The following CLCN3 variants were observed in gnomAD, a reference collection of about 807,000 sequenced individuals.
CLCN3 encodes the protein H(+)/Cl(-) exchange transporter 3.
CLCN3 carries 16 observed loss-of-function variants against 83.4 expected under a neutral mutation model. That is an observed-to-expected ratio of 0.19 (90% CI 0.13 to 0.29). The LOEUF is 0.29. CLCN3 is among the 10% of genes least tolerant of loss of function. The probability of loss-of-function intolerance (pLI) is 1.00; values close to 1 mark genes in which losing one functional copy is unlikely to be tolerated. For synonymous variants in CLCN3, 322 were observed against 346.2 expected, an observed-to-expected ratio of 0.93 and a Z score of 0.78; for missense variants, 544 against 1,006.0, an observed-to-expected ratio of 0.54 and a Z score of 6.21.
At chr4:169,633,139 A>G (rs1486095721) in intron 1 of CLCN3, among the ~76,000 whole-genome samples, 1 of 151,994 alleles carries the variant, frequency 6.6e-6, no homozygotes, top group Non-Finnish European at 1.5e-5. Context: ...CAGGCTCCTT[A>G]GTAGCTGGGG....
chr4:169,695,018 A>G (rs1219204417), intron 7 of CLCN3, among the ~76,000 whole-genome samples: 3 of 152,034 alleles, frequency 2.0e-5, no homozygotes, highest in Non-Finnish European at 2.9e-5. Context: ...CTTTTCCTTT[A>G]ATTTTTTTGT....
At chr4:169,624,984 GT>G (rs1379965897) in intron 1 of CLCN3, among the ~76,000 whole-genome samples, 5 of 152,104 alleles carry the variant, frequency 3.3e-5, no homozygotes, top group Middle Eastern at 3.4e-3. Context: ...TAGAGACGGG[GT>G]TTCCCCATGT....
chr4:169,636,750 T>TTC (rs1773514418), intron 2 of CLCN3, among the ~76,000 whole-genome samples: 1 of 151,748 alleles, frequency 6.6e-6, no homozygotes, highest in African/African-American at 2.4e-5. Context: ...TTTTTTTTTT[T>TTC]TCATATTTTG....
intron 2 of CLCN3, among the ~76,000 whole-genome samples, chr4:169,655,821 G>C (rs1157449521): frequency 6.6e-6 from 1 of 152,142 alleles, no homozygotes; most frequent in Non-Finnish European, 1.5e-5. Flanking sequence ...TGTGATGTCT[G>C]TGAAAGCAAA....
At chr4:169,711,625 C>T (rs978655239) in intron 11 of CLCN3, among the ~76,000 whole-genome samples, 1 of 152,136 alleles carries the variant, frequency 6.6e-6, no homozygotes, top group Non-Finnish European at 1.5e-5. Flanking sequence ...GCTGGGATTA[C>T]AGACGTGAGC....
In CLCN3 at chr4:169,697,651, A is replaced by T. The variant is rs761049815; in HGVS notation, c.1480A>T (p.Ile494Phe). ...TGACATTCCTGATCGTCCAGCAGGC[A>T]TTGGAGTATATTCAGCTATATGGCA... ...VDDIPDRPAGIGVYSAIWQLC... is the reference protein window; with the variant it reads ...VDDIPDRPAGFGVYSAIWQLC... The change falls in exon 9 of 13, where the codon ATT (isoleucine) becomes TTT (phenylalanine). Residue 494 changes from isoleucine (I) to phenylalanine (F), a missense_variant. Physicochemically the swap from Ile to Phe is conservative, Grantham distance 21 (BLOSUM62 0). Coordinates refer to ENST00000513761, the MANE Select transcript of CLCN3 (RefSeq NM_001829.4). The T allele has an allele frequency of 6.2e-7, 1 of 1,613,838 alleles. No individual in the cohort carries two copies. Among genetic ancestry groups the T allele is most frequent in the Non-Finnish European group, 8.5e-7 (1 of 1,179,744 alleles).
At chr4:169,667,265 G>GA (rs933484226) in intron 2 of CLCN3, among the ~76,000 whole-genome samples, 5 of 151,410 alleles carry the variant, frequency 3.3e-5, no homozygotes, top group African/African-American at 9.7e-5. Flanking sequence ...TTCCTCACTA[G>GA]AAAAAATATT....
chr4:169,718,403 A>C (rs1288536383), intron 12 of CLCN3, among the ~76,000 whole-genome samples: 1 of 152,144 alleles, frequency 6.6e-6, no homozygotes, highest in Non-Finnish European at 1.5e-5. Flanking sequence ...TGTAATGTGT[A>C]TATTATTTGT....
At chr4:169,672,642 A>G (rs1442977546) in intron 2 of CLCN3, among the ~76,000 whole-genome samples, 2 of 152,002 alleles carry the variant, frequency 1.3e-5, no homozygotes, top group Non-Finnish European at 2.9e-5. Context: ...AGCCTATATA[A>G]GTTATATATA....
intron 12 of CLCN3, chr4:169,717,956 A>C (rs912193909): frequency 1.3e-6 from 1 of 777,976 alleles, no homozygotes; most frequent in Non-Finnish European, 2.2e-6. Context: ...TCTTTCCCAG[A>C]TATCTGCTGA....
intron 2 of CLCN3, among the ~76,000 whole-genome samples, chr4:169,649,077 T>C (rs1730660433): frequency 6.7e-6 from 1 of 149,242 alleles, no homozygotes; most frequent in African/African-American, 2.5e-5. Context: ...GAAATCAAAA[T>C]TGAATATGTA....
At chr4:169,658,112 G>T (rs1312176386) in intron 2 of CLCN3, among the ~76,000 whole-genome samples, 1 of 152,084 alleles carries the variant, frequency 6.6e-6, no homozygotes, top group Non-Finnish European at 1.5e-5. Context: ...TGTTTAAACA[G>T]TGTGGAATTA....
At chr4:169,702,777 C>CAAAAAAA (rs60812626) in intron 9 of CLCN3, 162 of 246,308 alleles carry the variant, frequency 6.6e-4, no homozygotes, top group South Asian at 1.2e-3. Context: ...CCCATCTCTA[C>CAAAAAAA]AAAAAAAAAA....
At chr4:169,694,668 G>A (rs1180220504) in intron 7 of CLCN3, among the ~76,000 whole-genome samples, 3 of 152,000 alleles carry the variant, frequency 2.0e-5, no homozygotes, top group Non-Finnish European at 2.9e-5. Context: ...GTGAAACCCC[G>A]TCTCTACTAA....
intron 3 of CLCN3, among the ~76,000 whole-genome samples, chr4:169,686,715 A>G (rs1732173758): frequency 6.6e-6 from 1 of 152,180 alleles, no homozygotes; most frequent in African/African-American, 2.4e-5. Context: ...ACACCTGGCC[A>G]AAAATATGGG....
intron 9 of CLCN3, 51 bp from the exon 10 acceptor site, chr4:169,703,947 G>T: frequency 6.5e-7 from 1 of 1,527,220 alleles, no homozygotes; most frequent in Non-Finnish European, 9.1e-7. Flanking sequence ...TAAGTTTCAG[G>T]CATGTGAGTA....
In CLCN3 at chr4:169,697,534, C is replaced by G. The variant is rs375092988; in HGVS notation, c.1363C>G (p.Leu455Val). Residue 455 changes from leucine (L) to valine (V), a missense_variant, in exon 9 of 13, where the codon CTG (leucine) becomes GTG (valine). Leu to Val is a conservative substitution (Grantham distance 32, BLOSUM62 1). Coordinates refer to ENST00000513761, the MANE Select transcript of CLCN3 (RefSeq NM_001829.4). ...NPYTRLNTSE[L>V]IKELFTDCGP... ...ATACACTAGGCTAAACACCAGTGAA[C>G]TGATCAAAGAGCTTTTTACAGACTG... The G allele has an allele frequency of 4.8e-5, 77 of 1,614,086 alleles. No individual in the cohort carries two copies. Among genetic ancestry groups the G allele is most frequent in the Middle Eastern group, 1.6e-4 (1 of 6,082 alleles).
rs1197866368 is a variant in CLCN3, at chr4:169,717,979, T to TA, written c.2367-1927dup. The stretch of plus-strand genomic sequence containing the variant: ...AGATATCTGCTGAACAAAAATATCC[T>TA]ACTATGCTGCCAATTACATTTGTAT... On this transcript the variant is annotated intron_variant, in intron 12 of 12. Coordinates refer to ENST00000513761, the MANE Select transcript of CLCN3 (RefSeq NM_001829.4). 1.2e-5 allele frequency: 7 copies of TA among 589,592 alleles called. No homozygotes were observed. The African/African-American group carries it at 1.3e-4, about 11-fold the overall frequency. 36.5% of individuals were successfully genotyped at this position (589,592 alleles called of 1,614,324 possible). A position where few individuals can be genotyped will look rare whatever the true frequency, so the allele number is the denominator to read the frequency against.
intron 1 of CLCN3, among the ~76,000 whole-genome samples, chr4:169,625,789 A>G (rs1773219253): frequency 6.6e-6 from 1 of 152,204 alleles, no homozygotes; most frequent in Non-Finnish European, 1.5e-5. Context: ...GCTTCTCAAT[A>G]TTGATGTGTC....
Sources: gnomAD v4.1 joint callset for allele counts (sites outside exome capture counted in the v4.1 genomes callset) on GRCh38, gnomAD v4.1.1 for gene constraint, MANE v1.5 for transcripts, NCBI Gene and HGNC (gene_info 2026-07-23, HGNC 2026-07-21) for gene names.